Variants in HDAC4 observed in about 807,000 individuals in gnomAD.
HDAC4 encodes histone deacetylase 4.
Under a neutral mutation model 135.1 loss-of-function variants are expected in HDAC4, and 16 were observed. That is an observed-to-expected ratio of 0.12 (90% CI 0.08 to 0.18). The LOEUF (loss-of-function observed/expected upper bound fraction) is 0.18. HDAC4 is among the 10% of genes least tolerant of loss of function. HDAC4 has a pLI of 1.00. For synonymous variants in HDAC4, 685 were observed against 653.4 expected, an observed-to-expected ratio of 1.05 and a Z score of -0.74; for missense variants, 1,143 against 1,511.8, an observed-to-expected ratio of 0.76 and a Z score of 4.05.
intron 12 of HDAC4, among the ~76,000 whole-genome samples, chr2:239,123,603 G>C (rs1160282991): frequency 6.6e-6 from 1 of 152,238 alleles, no homozygotes; most frequent in Non-Finnish European, 1.5e-5. Context: ...TCTCCCAGGG[G>C]CCTTCCCCGA....
chr2:239,260,754 C>T (rs79901002), intron 2 of HDAC4, among the ~76,000 whole-genome samples: 4,331 of 152,332 alleles, frequency 0.028, 213 homozygotes, highest in African/African-American at 0.099. Context: ...CCCCTGGGCA[C>T]GCCTTCCACC....
chr2:239,270,639 TGTGCTACTTGCATTCAGCATTTG>T (rs1205495441), intron 2 of HDAC4, among the ~76,000 whole-genome samples: 1 of 152,236 alleles, frequency 6.6e-6, no homozygotes, highest in Non-Finnish European at 1.5e-5. Flanking sequence ...CAAACAAAGA[TGTGCTACTTGCATTCAGCATTTG>T]TATAATTTCT....
chr2:239,244,144 G>A (rs569776464), intron 2 of HDAC4, among the ~76,000 whole-genome samples: 20 of 152,304 alleles, frequency 1.3e-4, no homozygotes, highest in South Asian at 1.0e-3. Flanking sequence ...CCTTCAAACC[G>A]AACTTCATGG....
chr2:239,096,518 C>A (rs1313496269), intron 16 of HDAC4, among the ~76,000 whole-genome samples: 76 of 112,190 alleles, frequency 6.8e-4, no homozygotes, highest in African/African-American at 2.5e-3. Context: ...CCCACACCCC[C>A]CATGGACGCC....
intron 3 of HDAC4, among the ~76,000 whole-genome samples, chr2:239,195,302 G>A (rs1036927664): frequency 1.3e-5 from 2 of 152,196 alleles, no homozygotes; most frequent in Admixed American, 6.5e-5. Flanking sequence ...CATCCCATGC[G>A]CACCTCCGGC....
intron 6 of HDAC4, among the ~76,000 whole-genome samples, 170 bp downstream of exon 6, chr2:239,163,633 C>A (rs770915719): frequency 6.6e-6 from 1 of 152,180 alleles, no homozygotes; most frequent in South Asian, 2.1e-4. Flanking sequence ...ACGAGTGTAC[C>A]CCCAGAACAC....
At chr2:239,086,743 G>A (rs1004453521) in intron 19 of HDAC4, among the ~76,000 whole-genome samples, 7 of 152,172 alleles carry the variant, frequency 4.6e-5, no homozygotes, top group Admixed American at 3.9e-4. Context: ...TTGTTCTTGC[G>A]TTGCCATCTG....
At chr2:239,255,895 A>G (rs4852037) in intron 2 of HDAC4, among the ~76,000 whole-genome samples, 19,187 of 152,246 alleles carry the variant, frequency 0.13, 1,685 homozygotes, top group East Asian at 0.38. Context: ...ACACTTGGGC[A>G]AAAGCAATTC....
chr2:239,183,317 G>T (rs772696474), intron 4 of HDAC4, among the ~76,000 whole-genome samples: 1 of 152,232 alleles, frequency 6.6e-6, no homozygotes, highest in East Asian at 1.9e-4. Context: ...CTTTTAAAAC[G>T]AAACTCTTGA....
intron 9 of HDAC4, among the ~76,000 whole-genome samples, chr2:239,135,037 C>A (rs553383311): frequency 6.6e-6 from 1 of 152,148 alleles, no homozygotes; most frequent in Non-Finnish European, 1.5e-5. Flanking sequence ...TCTTTCCAGA[C>A]ATAACATCAA....
intron 1 of HDAC4, among the ~76,000 whole-genome samples, chr2:239,390,492 T>C (rs1291817726): frequency 6.6e-6 from 1 of 152,174 alleles, no homozygotes. Flanking sequence ...GTGATTGTAC[T>C]GTAGTGAGTG....
chr2:239,357,453 G>C (rs201173502), intron 1 of HDAC4, among the ~76,000 whole-genome samples: 1 of 145,134 alleles, frequency 6.9e-6, no homozygotes, highest in Non-Finnish European at 1.5e-5. Flanking sequence ...CTCAAAATAA[G>C]AAAAAAAAAA....
At chr2:239,123,800 A>AG (rs2039898494) in intron 12 of HDAC4, among the ~76,000 whole-genome samples, 1 of 152,188 alleles carries the variant, frequency 6.6e-6, no homozygotes, top group Non-Finnish European at 1.5e-5. Flanking sequence ...TTGGTGGTGT[A>AG]GGGGTCTCTC....
intron 2 of HDAC4, among the ~76,000 whole-genome samples, chr2:239,344,066 T>C (rs575255311): frequency 6.6e-6 from 1 of 152,298 alleles, no homozygotes; most frequent in African/African-American, 2.4e-5. Flanking sequence ...ATGATGAGTT[T>C]TGAACACCTA....
chr2:239,104,481 C>G (rs979894935), intron 15 of HDAC4, among the ~76,000 whole-genome samples: 1 of 152,212 alleles, frequency 6.6e-6, no homozygotes, highest in Non-Finnish European at 1.5e-5. Context: ...CCACCCGCCA[C>G]GGCCTCCCAA....
At chr2:239,247,465 CGA>C (rs1157583896) in intron 2 of HDAC4, among the ~76,000 whole-genome samples, 1 of 152,176 alleles carries the variant, frequency 6.6e-6, no homozygotes, top group Admixed American at 6.5e-5. Context: ...ACGTGCGGGG[CGA>C]GAGACTCCCT....
At chr2:239,366,397 C>A (rs1694218205) in intron 1 of HDAC4, among the ~76,000 whole-genome samples, 1 of 152,232 alleles carries the variant, frequency 6.6e-6, no homozygotes, top group African/African-American at 2.4e-5. Flanking sequence ...CAGACGTCAG[C>A]ACTGAACTTT....
In HDAC4 at chr2:239,148,479, G is replaced by A. The variant is rs530172552; in HGVS notation, c.734-3765C>T. Among the ~76,000 whole-genome samples the A allele has an allele frequency of 6.6e-5, 10 of 152,280 alleles. No individual in the cohort carries two copies. The East Asian group carries it at 1.9e-3, about 29-fold the overall frequency. On this transcript the variant is annotated intron_variant, in intron 7 of 26. Transcript: ENST00000543185. ...CGGAGGCCAAGAATCCCCCACCTGCGGGATCCCAAACTGCTTCAGAGCTCT... is the reference window on the plus strand; with the variant it reads ...CGGAGGCCAAGAATCCCCCACCTGCAGGATCCCAAACTGCTTCAGAGCTCT...
intron 3 of HDAC4, among the ~76,000 whole-genome samples, chr2:239,212,490 G>A (rs1473612721): frequency 6.6e-6 from 1 of 152,202 alleles, no homozygotes; most frequent in Admixed American, 6.5e-5. Context: ...TCGGGGGCTG[G>A]CTGACCAGAG....
Sources: gnomAD v4.1 joint callset for allele counts (sites outside exome capture counted in the v4.1 genomes callset) on GRCh38, gnomAD v4.1.1 for gene constraint, MANE v1.5 for transcripts, NCBI Gene and HGNC (gene_info 2026-07-23, HGNC 2026-07-21) for gene names.